SWAP70: variants seen among roughly 807,000 people sequenced by gnomAD.
SWAP70 encodes the protein switch-associated protein 70.
Under a neutral mutation model 80.2 loss-of-function variants are expected in SWAP70, and 34 were observed. The ratio of observed to expected loss-of-function variants is 0.42; its 90% CI spans 0.32 to 0.56. The LOEUF is 0.56. Ranked by LOEUF, SWAP70 falls within the 20% of genes least tolerant of loss-of-function variation. SWAP70 has a pLI of 0.09. For synonymous variants in SWAP70, 239 were observed against 238.5 expected, an observed-to-expected ratio of 1.00 and a Z score of -0.02; for missense variants, 578 against 690.7, an observed-to-expected ratio of 0.84 and a Z score of 1.83.
rs574768405 is a variant in SWAP70, at chr11:9,747,219, G to T, written c.1356-639G>T. ...GTGCAACATACTTTTAAACCCTTTG[G>T]TTTTTCATTGCTTCATCTGTAATGT... On this transcript the variant is annotated intron_variant, in intron 9 of 11. Coordinates refer to ENST00000318950, the MANE Select transcript of SWAP70 (RefSeq NM_015055.4). 3.3e-5 allele frequency among the ~76,000 whole-genome samples: 5 copies of T among 152,254 alleles called. No homozygotes were observed. The South Asian group carries it at 1.0e-3, about 32-fold the overall frequency.
chr11:9,695,929 G>T (rs1480057313), intron 2 of SWAP70, among the ~76,000 whole-genome samples: 1 of 151,800 alleles, frequency 6.6e-6, no homozygotes, highest in South Asian at 2.1e-4. Flanking sequence ...CCCATTATTG[G>T]GACTGCAGAC....
intron 1 of SWAP70, among the ~76,000 whole-genome samples, chr11:9,669,835 A>G (rs1850352921): frequency 6.6e-6 from 1 of 152,160 alleles, no homozygotes; most frequent in Admixed American, 6.5e-5. Context: ...ATTGCACTTT[A>G]GAAAGTTACT....
At chr11:9,723,214 G>A (rs1314693862) in intron 3 of SWAP70, among the ~76,000 whole-genome samples, 1 of 152,140 alleles carries the variant, frequency 6.6e-6, no homozygotes, top group African/African-American at 2.4e-5. Context: ...CCGACCAAAA[G>A]CAGATCAAAT....
chr11:9,671,878 T>C (rs1850413965), intron 1 of SWAP70, among the ~76,000 whole-genome samples: 1 of 106,926 alleles, frequency 9.4e-6, no homozygotes, highest in Non-Finnish European at 1.7e-5. Flanking sequence ...ATAATTTAAA[T>C]ATAATTTTAA....
chr11:9,693,629 T>C (rs1205542485), intron 1 of SWAP70, among the ~76,000 whole-genome samples: 1 of 152,218 alleles, frequency 6.6e-6, no homozygotes, highest in African/African-American at 2.4e-5. Context: ...GGTATATTAA[T>C]TTGGCCCTTT....
At chr11:9,726,055 C>CCT (rs1228081271) in intron 4 of SWAP70, among the ~76,000 whole-genome samples, 3 of 152,022 alleles carry the variant, frequency 2.0e-5, no homozygotes, top group Non-Finnish European at 4.4e-5. Context: ...ACAGTGATCA[C>CCT]CTCTAGATTG....
At chr11:9,715,382 G>A (rs1173065244) in intron 3 of SWAP70, among the ~76,000 whole-genome samples, 1 of 152,160 alleles carries the variant, frequency 6.6e-6, no homozygotes, top group Non-Finnish European at 1.5e-5. Context: ...CCTATTTACT[G>A]TACTGGCCAC....
chr11:9,705,559 TGTGATCTGTATGCACTG>T, intron 2 of SWAP70, among the ~76,000 whole-genome samples: 1 of 122,390 alleles, frequency 8.2e-6, no homozygotes, highest in Non-Finnish European at 1.6e-5. Flanking sequence ...GTGTACACTT[TGTGATCTGTATGCACTG>T]GTGATCTGTG....
At position 9,713,772 on chromosome 11, in the gene SWAP70, C is replaced by A. The variant is rs1473080450; in HGVS notation, c.414+133C>A. ...TAGTGTTTTTGGATCAGAGGCAAAG[C>A]AGCCTGAGTATAGAAAAGCTCCAAA... is the stretch of plus-strand genomic sequence containing the variant. On this transcript the variant is annotated intron_variant, in intron 3 of 11. Transcript: ENST00000318950. 4 of 1,038,584 alleles carry A rather than the reference C, an allele frequency of 3.9e-6. No individual in the cohort carries two copies. In the Admixed American group the frequency reaches 7.1e-5, roughly 18 times the overall value. The allele number at this position is 1,038,584 out of a possible 1,614,324, so 64.3% of individuals were successfully genotyped here.
At position 9,728,234 on chromosome 11, in the gene SWAP70, C is replaced by T. The variant is rs141987102; in HGVS notation, c.789+35C>T. 2.7e-4 allele frequency: 413 copies of T among 1,538,938 alleles called. 2 individuals carry two copies. The African/African-American group carries it at 4.5e-3, about 17-fold the overall frequency. ...CTCTTACTTCTTTGCATGATTACCCCGTGCTGCCCCCTGATGCTGAAGTAG... is the reference window on the plus strand; with the variant it reads ...CTCTTACTTCTTTGCATGATTACCCTGTGCTGCCCCCTGATGCTGAAGTAG... On this transcript the variant is annotated intron_variant, in intron 5 of 11. Coordinates refer to ENST00000318950, the MANE Select transcript of SWAP70 (RefSeq NM_015055.4).
intron 9 of SWAP70, among the ~76,000 whole-genome samples, chr11:9,746,693 G>C (rs1473995278): frequency 2.6e-5 from 4 of 152,250 alleles, no homozygotes; most frequent in Non-Finnish European, 5.9e-5. Flanking sequence ...TCACAGGGAA[G>C]AGGGAGTAGA....
intron 3 of SWAP70, among the ~76,000 whole-genome samples, chr11:9,714,243 A>G (rs1851036303): frequency 6.6e-6 from 1 of 151,782 alleles, no homozygotes; most frequent in Admixed American, 6.6e-5. Context: ...AGATTAATAT[A>G]CACAATTAAA....
chr11:9,710,983 G>A (rs1263317182), intron 2 of SWAP70, among the ~76,000 whole-genome samples: 1 of 126,022 alleles, frequency 7.9e-6, no homozygotes, highest in Non-Finnish European at 1.9e-5. Flanking sequence ...ACTGTGCCTG[G>A]CCTGTTTTTT....
intron 2 of SWAP70, among the ~76,000 whole-genome samples, chr11:9,698,106 T>TC: frequency 6.8e-6 from 1 of 147,298 alleles, no homozygotes; most frequent in Admixed American, 6.8e-5. Context: ...TTTTGTTTTT[T>TC]TTTTTTTTTT....
At chr11:9,711,391 A>ATGTG (rs1185931268) in intron 2 of SWAP70, among the ~76,000 whole-genome samples, 9 of 151,316 alleles carry the variant, frequency 5.9e-5, no homozygotes, top group South Asian at 4.2e-4. Flanking sequence ...TTTGCCTTTT[A>ATGTG]TGTGTGTGTG....
chr11:9,672,219 A>G (rs1850426203), intron 1 of SWAP70, among the ~76,000 whole-genome samples: 2 of 134,074 alleles, frequency 1.5e-5, no homozygotes, highest in South Asian at 4.5e-4. Flanking sequence ...ATATATATAT[A>G]TATATATATG....
Position 9,749,200 on chromosome 11 carries a change from AG to A in SWAP70, c.1651+18del. The A allele has an allele frequency of 7.4e-7, 1 of 1,346,296 alleles. No individual in the cohort carries two copies. The highest frequency in any genetic ancestry group is 1.0e-6 in the Non-Finnish European group (1 of 999,536). The allele number at this position is 1,346,296 out of a possible 1,614,324, so 83.4% of individuals were successfully genotyped here. ...TAGAACCAGGTAACAGACTCTATGA[AG>A]TAATCATATATTTATTTTTATTTTT... On this transcript the variant is annotated intron_variant, in intron 11 of 11. Transcript: ENST00000318950.
At chr11:9,666,980 T>A in intron 1 of SWAP70, among the ~76,000 whole-genome samples, 1 of 152,202 alleles carries the variant, frequency 6.6e-6, no homozygotes, top group Middle Eastern at 3.4e-3. Context: ...GCCTTGGCCC[T>A]GCAAAGTGCT....
At chr11:9,709,310 G>A (rs1016064134) in intron 2 of SWAP70, among the ~76,000 whole-genome samples, 1 of 151,840 alleles carries the variant, frequency 6.6e-6, no homozygotes, top group African/African-American at 2.4e-5. Flanking sequence ...AATGTTTTTG[G>A]TAGAAATAAG....
Sources: gnomAD v4.1 joint callset for allele counts (sites outside exome capture counted in the v4.1 genomes callset) on GRCh38, gnomAD v4.1.1 for gene constraint, MANE v1.5 for transcripts, NCBI Gene and HGNC (gene_info 2026-07-23, HGNC 2026-07-21) for gene names.